PLCG2: variants seen among roughly 807,000 people sequenced by gnomAD.
PLCG2 encodes phospholipase C gamma 2, also known as 1-phosphatidylinositol 4,5-bisphosphate phosphodiesterase gamma-2.
In PLCG2, 69 loss-of-function variants were observed where a neutral mutation model predicts 175.6. That is an observed-to-expected ratio of 0.39 (90% CI 0.32 to 0.48). PLCG2 has a LOEUF of 0.48. PLCG2 is among the 20% of genes least tolerant of loss of function. The pLI is 0.91. For missense variants in PLCG2, 1,798 were observed against 1,650.9 expected (o/e 1.09, Z -1.54); for synonymous variants, 827 against 624.0 (o/e 1.33, Z -4.85).
At chr16:81,793,677 TGATAA>T in intron 2 of PLCG2, among the ~76,000 whole-genome samples, 1 of 152,342 alleles carries the variant, frequency 6.6e-6, no homozygotes, top group Admixed American at 6.5e-5. Context: ...CACTTAATAA[TGATAA>T]TAGTGATACC....
intron 1 of PLCG2, among the ~76,000 whole-genome samples, chr16:81,747,035 G>A (rs1909720722): frequency 6.6e-6 from 1 of 152,146 alleles, no homozygotes; most frequent in Admixed American, 6.5e-5. Flanking sequence ...ACAGTGAGAT[G>A]AAAGTTAAAA....
At chr16:81,942,812 C>T (rs1192521185) in intron 30 of PLCG2, among the ~76,000 whole-genome samples, 1 of 152,190 alleles carries the variant, frequency 6.6e-6, no homozygotes, top group Non-Finnish European at 1.5e-5. Context: ...GCAGGCTGCC[C>T]TCTCACTGGG....
intron 2 of PLCG2, among the ~76,000 whole-genome samples, chr16:81,791,112 G>A (rs1911211771): frequency 6.6e-6 from 1 of 152,218 alleles, no homozygotes; most frequent in Non-Finnish European, 1.5e-5. Flanking sequence ...ACTCTGCAGA[G>A]AGAGGGAGGA....
intron 1 of PLCG2, among the ~76,000 whole-genome samples, chr16:81,742,799 TC>T (rs1194488495): frequency 6.6e-6 from 1 of 152,148 alleles, no homozygotes; most frequent in Non-Finnish European, 1.5e-5. Context: ...TGGCCAGACT[TC>T]CTCAGGTTCT....
At chr16:81,853,781 C>T (rs554692221) in intron 2 of PLCG2, among the ~76,000 whole-genome samples, 1 of 152,144 alleles carries the variant, frequency 6.6e-6, no homozygotes, top group Non-Finnish European at 1.5e-5. Context: ...GGCATAAATA[C>T]TGGAGGCTGT....
At chr16:81,925,182 C>T (rs1192305598) in intron 22 of PLCG2, among the ~76,000 whole-genome samples, 2 of 152,224 alleles carry the variant, frequency 1.3e-5, no homozygotes, top group East Asian at 3.8e-4. Flanking sequence ...GTCCCTTTGG[C>T]AAGGGACTGT....
chr16:81,907,607 C>T lies in PLCG2; in HGVS notation c.1468-78C>T, dbSNP rs116758417. The T allele has an allele frequency of 6.6e-4, 608 of 926,904 alleles. 1 individual carries two copies. In the African/African-American group the frequency reaches 6.6e-3, roughly 10 times the overall value. The allele number at this position is 926,904 out of a possible 1,614,324, so 57.4% of individuals were successfully genotyped here. On this transcript the variant is annotated intron_variant, in intron 15 of 32. Coordinates refer to ENST00000564138, the MANE Select transcript of PLCG2 (RefSeq NM_002661.5). ...ACATCCATAGTAGATGCTGGGGTGA[C>T]GCCCTGCAGGGCTCCTGGGCTCCAC...
intron 31 of PLCG2, among the ~76,000 whole-genome samples, chr16:81,950,031 A>G (rs546368781): frequency 6.6e-6 from 1 of 152,326 alleles, no homozygotes; most frequent in South Asian, 2.1e-4. Flanking sequence ...TAAGGAGGAA[A>G]AAAGGAGATC....
intron 2 of PLCG2, among the ~76,000 whole-genome samples, chr16:81,795,504 TG>T (rs1911426772): frequency 6.6e-6 from 1 of 152,124 alleles, no homozygotes; most frequent in Non-Finnish European, 1.5e-5. Flanking sequence ...CATGATCCAG[TG>T]GGATTGGGGG....
intron 7 of PLCG2, among the ~76,000 whole-genome samples, chr16:81,872,548 TC>T (rs1907568170): frequency 6.6e-6 from 1 of 152,210 alleles, no homozygotes; most frequent in African/African-American, 2.4e-5. Flanking sequence ...AATAAAAAGT[TC>T]CATAGAGCAT....
intron 2 of PLCG2, among the ~76,000 whole-genome samples, chr16:81,812,538 T>A (rs1004429398): frequency 2.3e-4 from 35 of 152,220 alleles, no homozygotes; most frequent in African/African-American, 8.2e-4. Context: ...TGGGGTTGTT[T>A]TTTCTTGTAA....
At chr16:81,783,143 A>G (rs750104530) in intron 1 of PLCG2, 4 of 492,178 alleles carry the variant, frequency 8.1e-6, no homozygotes, top group Non-Finnish European at 1.2e-5. Context: ...TGAAGGTGTT[A>G]TAATGGGGCT....
At position 81,950,098 on chromosome 16, in the gene PLCG2, C is replaced by G. The variant is rs144721148; in HGVS notation, c.3570+3835C>G. Among the ~76,000 whole-genome samples, 491 of 152,200 alleles carry G rather than the reference C, an allele frequency of 3.2e-3. 8 individuals are homozygous for G. Among genetic ancestry groups the G allele is most frequent in the East Asian group, 8.9e-3 (46 of 5,182 alleles). ...TGTAAAGAATCAGAATAAGTTAAAG[C>G]AAGGTAAAATGTGTAGTAATTGAAG... On this transcript the variant is annotated intron_variant, in intron 31 of 32. Coordinates refer to ENST00000564138, the MANE Select transcript of PLCG2 (RefSeq NM_002661.5).
In PLCG2 at chr16:81,915,376, A is replaced by G. The variant is rs148074163; in HGVS notation, c.2054+2660A>G. Among the ~76,000 whole-genome samples the G allele has an allele frequency of 1.2e-3, 176 of 152,310 alleles. 3 individuals are homozygous for G. The highest frequency in any genetic ancestry group is 4.0e-3 in the African/African-American group (168 of 41,566). On this transcript the variant is annotated intron_variant, in intron 19 of 32. Transcript: ENST00000564138. The stretch of plus-strand genomic sequence containing the variant: ...AGAAACACCTGCTTTCAAATCCACA[A>G]AGGAAGTGTTGAGTTGTTGCCCGGC...
At chr16:81,754,180 C>A (rs1030270715) in intron 1 of PLCG2, among the ~76,000 whole-genome samples, 1 of 151,880 alleles carries the variant, frequency 6.6e-6, no homozygotes, top group African/African-American at 2.4e-5. Flanking sequence ...CCGTCTCCAC[C>A]TCCACCTGAG....
intron 11 of PLCG2, 76 bp from the exon 12 acceptor site, chr16:81,893,633 C>T: frequency 3.5e-6 from 3 of 848,668 alleles, no homozygotes; most frequent in Non-Finnish European, 4.0e-6. Context: ...TCCCCCACAA[C>T]ACCCTGAGGT....
Position 81,861,121 on chromosome 16 carries a change from T to C in PLCG2, c.479+1958T>C, listed in dbSNP as rs144506954. Among the ~76,000 whole-genome samples, 471 of 152,348 alleles carry C rather than the reference T, an allele frequency of 3.1e-3. 3 individuals carry two copies. Among genetic ancestry groups the C allele is most frequent in the African/African-American group, 9.9e-3 (412 of 41,578 alleles). On this transcript the variant is annotated intron_variant, in intron 5 of 32. Transcript: ENST00000564138. ...TGTATTTGGCATGCCAGGGATTGCA[T>C]TGAGCTCTTCAGTCCTTGTCTCATG...
chr16:81,806,458 C>T (rs1007171202), intron 2 of PLCG2, among the ~76,000 whole-genome samples: 2 of 151,964 alleles, frequency 1.3e-5, no homozygotes, highest in African/African-American at 4.8e-5. Context: ...CATCCAGTGC[C>T]AGCTGTACTT....
Position 81,946,272 on chromosome 16 carries a change from AGAAACACCAGT to A in PLCG2, c.3570+10_3570+20del. 1 of 1,600,650 alleles carries A rather than the reference AGAAACACCAGT, an allele frequency of 6.2e-7. No individual in the cohort carries two copies. The highest frequency in any genetic ancestry group is 8.6e-7 in the Non-Finnish European group (1 of 1,167,816). On this transcript the variant is annotated intron_variant, in intron 31 of 32. Transcript: ENST00000564138. Reference sequence around the variant, plus strand: ...AGATGCGGCCAGTCCTGGTGAGTGGAGAAACACCAGTTAAGGGTTCCCTGAGCTATGCCTGC... The same window carrying A: ...AGATGCGGCCAGTCCTGGTGAGTGGATAAGGGTTCCCTGAGCTATGCCTGC...
Sources: gnomAD v4.1 joint callset for allele counts (sites outside exome capture counted in the v4.1 genomes callset) on GRCh38, gnomAD v4.1.1 for gene constraint, MANE v1.5 for transcripts, NCBI Gene and HGNC (gene_info 2026-07-23, HGNC 2026-07-21) for gene names.